The following WDR1 variants were observed in gnomAD, a reference collection of about 807,000 sequenced individuals.
WDR1 encodes WD repeat domain 1.
A neutral mutation model predicts 71.9 loss-of-function variants in WDR1; 21 were observed. The ratio of observed to expected loss-of-function variants is 0.29; its 90% confidence interval spans 0.21 to 0.42. The LOEUF is 0.42. WDR1 is among the 10% of genes least tolerant of loss of function. The pLI is 1.00. For missense variants in WDR1, 696 were observed against 824.5 expected (o/e 0.84, Z 1.91); for synonymous variants, 424 against 347.4 (o/e 1.22, Z -2.45).
chr4:10,089,765 C>G (rs146795996), intron 5 of WDR1, among the ~76,000 whole-genome samples: 2 of 152,252 alleles, frequency 1.3e-5, no homozygotes, highest in East Asian at 3.8e-4. Flanking sequence ...AGCTGCCCCG[C>G]GCTCTAAGTA....
chr4:10,116,404 C>T, intron 1 of WDR1, 170 bp from the exon 2 acceptor site: 2 of 1,081,312 alleles, frequency 1.8e-6, no homozygotes, highest in African/African-American at 1.6e-5. Context: ...TGGTCCGCGC[C>T]CCGGGCCAGG....
In WDR1 at chr4:10,088,362, A is replaced by G. The variant is rs1000223487; in HGVS notation, c.648T>C (p.Tyr216=). 3 of 1,557,052 alleles carry G rather than the reference A, an allele frequency of 1.9e-6. No individual in the cohort carries two copies. Among genetic ancestry groups the G allele is most frequent in the African/African-American group, 2.7e-5 (2 of 73,258 alleles). ...ACACCTTCTCCCCAGTCTTCCCGTC[A>G]TAGATGTATATCTTCCAAGAAATAA... ...TASADGQIYI[Y]DGKTGEKVCA... The change falls in exon 7 of 15, where the codon TAT becomes TAC. Residue 216 remains tyrosine, a synonymous_variant. Coordinates refer to ENST00000499869, the MANE Select transcript of WDR1 (RefSeq NM_017491.5).
intron 2 of WDR1, among the ~76,000 whole-genome samples, chr4:10,104,224 A>G (rs1712888207): frequency 1.3e-5 from 2 of 152,166 alleles, no homozygotes; most frequent in Non-Finnish European, 2.9e-5. Flanking sequence ...ACTGTACAAC[A>G]AGGTGATTTT....
chr4:10,096,463 C>T lies in WDR1; in HGVS notation c.558+1248G>A, dbSNP rs560094741. The T allele has an allele frequency of 3.9e-5, 6 of 152,382 alleles. No homozygotes were observed. In the South Asian group the frequency reaches 6.2e-4, roughly 16 times the overall value. The allele number at this position is 152,382 out of a possible 1,614,324, so 9.4% of individuals were successfully genotyped here. ...CAAGAGCAGAGTCTGAGAGCTGCCG[C>T]GTGTTCAGCTGCATACAGGGAGCCT... On this transcript the variant is annotated intron_variant, in intron 5 of 14. Transcript: ENST00000499869.
At position 10,074,731 on chromosome 4, in the gene WDR1, AAC is replaced by A. The variant is rs1764730957; in HGVS notation, c.*645_*646del. ...CACTAGTTTGTAAACACTGACAGGCAACAGTTAAGATACATTAAAAAAAAAGG... is the reference window on the plus strand; with the variant it reads ...CACTAGTTTGTAAACACTGACAGGCAAGTTAAGATACATTAAAAAAAAAGG... On this transcript the variant is annotated 3_prime_UTR_variant, in exon 15 of 15. Transcript: ENST00000499869. 1 of 151,570 alleles carries A rather than the reference AAC, an allele frequency of 6.6e-6. No homozygotes were observed. The highest frequency in any genetic ancestry group is 2.4e-5 in the African/African-American group (1 of 41,390). The allele number at this position is 151,570 out of a possible 1,614,324, so 9.4% of individuals were successfully genotyped here. A position where few individuals can be genotyped will look rare whatever the true frequency, so the allele number is the denominator to read the frequency against.
intron 2 of WDR1, chr4:10,106,580 G>C (rs749711401): frequency 6.6e-6 from 1 of 152,254 alleles, no homozygotes; most frequent in Non-Finnish European, 1.5e-5. Context: ...TGGGCCTTCC[G>C]CTGGGGAGGG....
intron 5 of WDR1, chr4:10,092,894 A>G (rs1180537458): frequency 2.2e-6 from 1 of 461,752 alleles, no homozygotes; most frequent in Non-Finnish European, 4.0e-6. Flanking sequence ...GTCTCAGTCC[A>G]GCCTCATCCC....
At chr4:10,080,133 C>T (rs1015730231) in intron 11 of WDR1, among the ~76,000 whole-genome samples, 1 of 152,202 alleles carries the variant, frequency 6.6e-6, no homozygotes, top group Non-Finnish European at 1.5e-5. Context: ...CACAACCCTA[C>T]CGGGGTCCTT....
intron 3 of WDR1, among the ~76,000 whole-genome samples, chr4:10,101,519 C>T (rs1712683753): frequency 2.0e-5 from 3 of 152,258 alleles, no homozygotes; most frequent in Admixed American, 2.0e-4. Context: ...AATATGATCT[C>T]GCCCAAGAAC....
intron 8 of WDR1, 101 bp downstream of exon 8, chr4:10,087,606 A>G: frequency 8.5e-7 from 1 of 1,180,792 alleles, no homozygotes; most frequent in Non-Finnish European, 1.2e-6. Flanking sequence ...ACACCTCTCT[A>G]GCTTCCACCT....
In WDR1 at chr4:10,087,951, A is replaced by C. The variant is rs1711695054; in HGVS notation, c.718-11T>G. ...GGGACTCCAACTAATCTATTCAGAA[A>C]AAAGCAGTGTGTCATGTGCCAGAGG... On this transcript the variant is annotated splice_polypyrimidine_tract_variant and intron_variant, in intron 7 of 14. Transcript: ENST00000499869. 1 of 1,547,338 alleles carries C rather than the reference A, an allele frequency of 6.5e-7. No homozygotes were observed. Among genetic ancestry groups the C allele is most frequent in the South Asian group, 1.2e-5 (1 of 83,310 alleles).
intron 3 of WDR1, among the ~76,000 whole-genome samples, chr4:10,102,565 A>G (rs116030922): frequency 6.6e-6 from 1 of 152,080 alleles, no homozygotes; most frequent in South Asian, 2.1e-4. Flanking sequence ...CTGCTGTGCA[A>G]CGGCCCCTGC....
chr4:10,080,983 C>T (rs938285041), intron 11 of WDR1, among the ~76,000 whole-genome samples: 2 of 152,192 alleles, frequency 1.3e-5, no homozygotes, highest in Non-Finnish European at 2.9e-5. Flanking sequence ...CCGGAGGTCA[C>T]ACAGCTACAA....
intron 2 of WDR1, among the ~76,000 whole-genome samples, chr4:10,109,403 G>A (rs1250666120): frequency 1.3e-5 from 2 of 152,230 alleles, no homozygotes; most frequent in African/African-American, 4.8e-5. Context: ...CTGTGGTTTT[G>A]TTGTCTTCCT....
chr4:10,094,377 GC>G (rs1483747351), intron 5 of WDR1, among the ~76,000 whole-genome samples: 1 of 152,212 alleles, frequency 6.6e-6, no homozygotes, highest in South Asian at 2.1e-4. Context: ...AAAGAACCTG[GC>G]CCAAGTAATG....
At chr4:10,081,160 G>A (rs142620196) in intron 11 of WDR1, among the ~76,000 whole-genome samples, 197 bp downstream of exon 11, 5 of 152,200 alleles carry the variant, frequency 3.3e-5, no homozygotes, top group African/African-American at 7.2e-5. Context: ...TATCCATTCC[G>A]TGCCTCCATT....
Position 10,097,705 on chromosome 4 carries a change from A to G in WDR1, c.558+6T>C, listed in dbSNP as rs1256848025. Reference sequence around the variant, plus strand: ...CAAATTTCACCCAAAAAGTAAGTTCACTTACGCCAATTGTGAACTTGAACT... The same window carrying G: ...CAAATTTCACCCAAAAAGTAAGTTCGCTTACGCCAATTGTGAACTTGAACT... On this transcript the variant is annotated splice_donor_region_variant and intron_variant, in intron 5 of 14. Transcript: ENST00000499869. 2 of 1,606,242 alleles carry G rather than the reference A, an allele frequency of 1.2e-6. No individual in the cohort carries two copies. The highest frequency in any genetic ancestry group is 3.4e-5 in the Admixed American group (2 of 59,492).
chr4:10,099,681 C>G (rs888383488), intron 3 of WDR1, among the ~76,000 whole-genome samples: 10 of 152,260 alleles, frequency 6.6e-5, no homozygotes, highest in Non-Finnish European at 1.3e-4. Context: ...TCAGCGTGGC[C>G]TGGCGGCCTC....
In WDR1 at chr4:10,088,379, A is replaced by T; in HGVS notation, c.637-6T>A. 1 of 1,554,028 alleles carries T rather than the reference A, an allele frequency of 6.4e-7. No homozygotes were observed. Among genetic ancestry groups the T allele is most frequent in the Non-Finnish European group, 8.7e-7 (1 of 1,148,256 alleles). ...TTCCCGTCATAGATGTATATCTTCCAAGAAATAAAAACATGTGGGTCATGT... is the reference window on the plus strand; with the variant it reads ...TTCCCGTCATAGATGTATATCTTCCTAGAAATAAAAACATGTGGGTCATGT... On this transcript the variant is annotated splice_region_variant and splice_polypyrimidine_tract_variant and intron_variant, in intron 6 of 14. Coordinates refer to ENST00000499869, the MANE Select transcript of WDR1 (RefSeq NM_017491.5).
Sources: allele counts gnomAD v4.1 joint callset (sites outside exome capture counted in the v4.1 genomes callset), GRCh38; gene constraint gnomAD v4.1.1; transcripts MANE v1.5; gene names NCBI Gene and HGNC (gene_info 2026-07-23, HGNC 2026-07-21).